SCHIP1: variants seen among roughly 807,000 people sequenced by gnomAD.
SCHIP1 encodes the protein schwannomin-interacting protein 1.
A neutral mutation model predicts 29.7 loss-of-function variants in SCHIP1; 8 were observed. That is an observed-to-expected ratio of 0.27 (90% CI 0.16 to 0.49). The LOEUF (loss-of-function observed/expected upper bound fraction) is 0.49, where lower values mean the gene tolerates loss of function less well. Among genes scored for constraint, SCHIP1 ranks in the 20% least tolerant of loss-of-function variants. The pLI is 0.99. For synonymous variants in SCHIP1, 76 were observed against 94.9 expected (o/e 0.80, Z 1.16); for missense variants, 193 against 294.6 (o/e 0.66, Z 2.52).
chr3:159,706,608 C>A, the SCHIP1 span, among the ~76,000 whole-genome samples: 3 of 152,122 alleles, frequency 2.0e-5, no homozygotes, highest in Non-Finnish European at 2.9e-5. Context: ...ACAGGATGAT[C>A]ACAGGAGAGT....
the SCHIP1 span, among the ~76,000 whole-genome samples, chr3:159,743,023 G>A: frequency 6.6e-6 from 1 of 151,938 alleles, no homozygotes; most frequent in Non-Finnish European, 1.5e-5. Context: ...GAATTCAAGT[G>A]CATTCCTCCT....
chr3:159,469,857 T>C, the SCHIP1 span, among the ~76,000 whole-genome samples: 32 of 152,248 alleles, frequency 2.1e-4, no homozygotes, highest in African/African-American at 5.8e-4. Flanking sequence ...CAAAGATGTA[T>C]CACAAAAAGT....
the SCHIP1 span, among the ~76,000 whole-genome samples, chr3:159,324,678 G>A: frequency 6.6e-6 from 1 of 152,078 alleles, no homozygotes; most frequent in Non-Finnish European, 1.5e-5. Context: ...GATTATTAGA[G>A]AAGTTAACTT....
chr3:159,614,001 C>T, the SCHIP1 span, among the ~76,000 whole-genome samples: 4 of 152,276 alleles, frequency 2.6e-5, no homozygotes, highest in African/African-American at 7.2e-5. Context: ...TAAGCGCATA[C>T]GTATTTAACC....
chr3:159,403,706 GAC>G, the SCHIP1 span, among the ~76,000 whole-genome samples: 1 of 152,190 alleles, frequency 6.6e-6, no homozygotes, highest in Non-Finnish European at 1.5e-5. Flanking sequence ...AAACTTGAAA[GAC>G]AGTCTAGGTC....
the SCHIP1 span, among the ~76,000 whole-genome samples, chr3:159,336,580 G>T: frequency 4.6e-5 from 7 of 152,208 alleles, no homozygotes; most frequent in Admixed American, 2.6e-4. Context: ...AGTTTTCCCA[G>T]CTCCATTTAT....
At chr3:159,370,999 G>T in the SCHIP1 span, among the ~76,000 whole-genome samples, 1 of 152,062 alleles carries the variant, frequency 6.6e-6, no homozygotes, top group African/African-American at 2.4e-5. Flanking sequence ...CTTCTTTTAG[G>T]TTCTGTTTCT....
chr3:159,274,913 A>G, the SCHIP1 span: 1 of 865,288 alleles, frequency 1.2e-6, no homozygotes. Flanking sequence ...AAAAACCAGT[A>G]GTAAATGCAA....
At chr3:159,773,092 C>G in the SCHIP1 span, among the ~76,000 whole-genome samples, 1 of 152,200 alleles carries the variant, frequency 6.6e-6, no homozygotes, top group African/African-American at 2.4e-5. Context: ...ACCTCTGTCG[C>G]TGAAGAGATG....
At chr3:159,297,322 G>A in the SCHIP1 span, among the ~76,000 whole-genome samples, 1 of 152,086 alleles carries the variant, frequency 6.6e-6, no homozygotes, top group Non-Finnish European at 1.5e-5. Flanking sequence ...CCCAGAAGTG[G>A]GATTGATGGG....
chr3:159,846,978 G>A (rs984972952), intron 1 of SCHIP1, among the ~76,000 whole-genome samples: 1 of 152,026 alleles, frequency 6.6e-6, no homozygotes, highest in Non-Finnish European at 1.5e-5. Flanking sequence ...AATTAGCAGG[G>A]CTTCATTGTG....
the SCHIP1 span, among the ~76,000 whole-genome samples, chr3:159,772,064 C>G: frequency 6.6e-6 from 1 of 152,204 alleles, no homozygotes; most frequent in Non-Finnish European, 1.5e-5. Context: ...AGACTCCTTG[C>G]TGGCATTCCT....
chr3:159,646,990 A>T, the SCHIP1 span, among the ~76,000 whole-genome samples: 1 of 151,868 alleles, frequency 6.6e-6, no homozygotes, highest in African/African-American at 2.4e-5. Flanking sequence ...CACAGGAGAG[A>T]GATCTGGGCT....
At chr3:159,691,919 A>C in the SCHIP1 span, among the ~76,000 whole-genome samples, 3 of 151,564 alleles carry the variant, frequency 2.0e-5, no homozygotes, top group Non-Finnish European at 4.4e-5. Flanking sequence ...AGAATGTTGA[A>C]TATTGGCCTC....
At chr3:159,569,912 T>C in the SCHIP1 span, among the ~76,000 whole-genome samples, 2 of 152,266 alleles carry the variant, frequency 1.3e-5, no homozygotes, top group Admixed American at 6.5e-5. Flanking sequence ...ATTTCTCTGA[T>C]GACCAGCGAT....
At chr3:159,625,915 T>C in the SCHIP1 span, among the ~76,000 whole-genome samples, 1 of 151,808 alleles carries the variant, frequency 6.6e-6, no homozygotes, top group Non-Finnish European at 1.5e-5. Context: ...AGCTAGCAAA[T>C]ACAGGGCTGT....
the SCHIP1 span, among the ~76,000 whole-genome samples, chr3:159,734,041 C>A: frequency 6.6e-6 from 1 of 151,470 alleles, no homozygotes; most frequent in Non-Finnish European, 1.5e-5. Flanking sequence ...AAATACATTG[C>A]TTTCAAATAT....
the SCHIP1 span, among the ~76,000 whole-genome samples, chr3:159,698,487 G>A: frequency 2.6e-5 from 4 of 152,156 alleles, no homozygotes; most frequent in African/African-American, 9.7e-5. Context: ...CGAGTGCATT[G>A]TGGCAGAAAA....
the SCHIP1 span, among the ~76,000 whole-genome samples, chr3:159,487,832 A>C: frequency 6.6e-6 from 1 of 152,214 alleles, no homozygotes; most frequent in Non-Finnish European, 1.5e-5. Flanking sequence ...CACTCCCTTC[A>C]ACCCAGTGGC....
Sources: gnomAD v4.1 joint callset for allele counts (sites outside exome capture counted in the v4.1 genomes callset) on GRCh38, gnomAD v4.1.1 for gene constraint, MANE v1.5 for transcripts, NCBI Gene and HGNC (gene_info 2026-07-23, HGNC 2026-07-21) for gene names.